Variants in LRBA observed in about 807,000 individuals in gnomAD.
The protein encoded by LRBA is LPS responsive beige-like anchor protein.
In LRBA, 176 loss-of-function variants were observed where a neutral mutation model predicts 330.0. The observed-to-expected ratio is 0.53, with a 90% confidence interval of 0.47 to 0.60. The LOEUF is 0.60. Ranked by LOEUF, LRBA falls within the 20% of genes least tolerant of loss-of-function variation. The probability of loss-of-function intolerance (pLI) is 0.00; values close to 1 mark genes in which losing one functional copy is unlikely to be tolerated. For missense variants in LRBA, 3,259 were observed against 3,444.8 expected (o/e 0.95, Z 1.35); for synonymous variants, 1,230 against 1,193.0 (o/e 1.03, Z -0.64).
At position 150,831,978 on chromosome 4, in the gene LRBA, TG is replaced by T; in HGVS notation, c.4570-3del. 1 of 1,479,616 alleles carries T rather than the reference TG, an allele frequency of 6.8e-7. No individual in the cohort carries two copies. Among genetic ancestry groups the T allele is most frequent in the African/African-American group, 1.5e-5 (1 of 68,524 alleles). 91.7% of individuals were successfully genotyped at this position (1,479,616 alleles called of 1,614,324 possible). A position where few individuals can be genotyped will look rare whatever the true frequency, so the allele number is the denominator to read the frequency against. Reference sequence around the variant, plus strand: ...AAATTGAGCTTGTTTGCTATCCTCCTGGGAAAAAAAATTAAAGGAGTTGATT... The same window carrying T: ...AAATTGAGCTTGTTTGCTATCCTCCTGGAAAAAAAATTAAAGGAGTTGATT... On this transcript the variant is annotated splice_region_variant and splice_polypyrimidine_tract_variant and intron_variant, in intron 28 of 56. Coordinates refer to ENST00000651943, the MANE Select transcript of LRBA (RefSeq NM_001364905.1).
chr4:150,425,240 C>T (rs1028847387), intron 46 of LRBA, among the ~76,000 whole-genome samples: 1 of 152,154 alleles, frequency 6.6e-6, no homozygotes, highest in African/African-American at 2.4e-5. Context: ...TTCATCAGAA[C>T]AGAACAGTCA....
chr4:150,977,889 T>A (rs1397646503), intron 2 of LRBA, among the ~76,000 whole-genome samples: 1 of 152,214 alleles, frequency 6.6e-6, no homozygotes, highest in African/African-American at 2.4e-5. Flanking sequence ...CCAGTCAGAT[T>A]TCTAAGAGTT....
chr4:150,618,769 T>C (rs941818902), intron 37 of LRBA, among the ~76,000 whole-genome samples: 1 of 151,610 alleles, frequency 6.6e-6, no homozygotes, highest in Non-Finnish European at 1.5e-5. Context: ...ACAGAAGTGT[T>C]AAAAATGCTG....
Position 150,915,606 on chromosome 4 carries a change from A to G in LRBA, c.1014+2T>C. 1 of 1,602,684 alleles carries G rather than the reference A, an allele frequency of 6.2e-7. No individual in the cohort carries two copies. The highest frequency in any genetic ancestry group is 8.5e-7 in the Non-Finnish European group (1 of 1,176,740). On this transcript the variant is annotated splice_donor_variant, in intron 8 of 56. Transcript: ENST00000651943. LOFTEE classifies it high-confidence loss of function. ...TCATTGCAACATTTTGAAACTACTT[A>G]CATCGCTAGTGTTGACAAACCATGT...
chr4:150,732,481 A>T (rs1014258198), intron 36 of LRBA, among the ~76,000 whole-genome samples: 1 of 152,114 alleles, frequency 6.6e-6, no homozygotes, highest in Admixed American at 6.5e-5. Flanking sequence ...CATTCTTTTT[A>T]CTGTCTCTCA....
chr4:150,935,523 T>C (rs1735003192), intron 2 of LRBA, among the ~76,000 whole-genome samples: 1 of 152,058 alleles, frequency 6.6e-6, no homozygotes, highest in Non-Finnish European at 1.5e-5. Flanking sequence ...ATTAAATCAG[T>C]TCAAGTTGTT....
intron 46 of LRBA, chr4:150,422,665 C>T: frequency 1.5e-6 from 1 of 663,822 alleles, no homozygotes; most frequent in Non-Finnish European, 2.8e-6. Context: ...TGGCACTGCT[C>T]CGGCTCCTCT....
chr4:150,706,141 A>G (rs1785595063), intron 36 of LRBA, among the ~76,000 whole-genome samples: 1 of 151,986 alleles, frequency 6.6e-6, no homozygotes. Context: ...AGAAATTCAA[A>G]AGGGCAATAA....
chr4:150,840,202 C>G (rs1456662718), intron 28 of LRBA, among the ~76,000 whole-genome samples: 1 of 152,130 alleles, frequency 6.6e-6, no homozygotes, highest in Non-Finnish European at 1.5e-5. Flanking sequence ...AGTATAAAGC[C>G]GTTTTACTTC....
At chr4:150,945,807 T>G (rs1291659052) in intron 2 of LRBA, among the ~76,000 whole-genome samples, 1 of 145,724 alleles carries the variant, frequency 6.9e-6, no homozygotes, top group East Asian at 2.0e-4. Context: ...GCATATTTCT[T>G]TTTTTTTTTT....
chr4:150,984,440 C>A (rs1741202740), intron 2 of LRBA, among the ~76,000 whole-genome samples: 1 of 151,758 alleles, frequency 6.6e-6, no homozygotes, highest in Admixed American at 6.6e-5. Context: ...ACCCGGAAGG[C>A]GGAGGTTGTG....
intron 34 of LRBA, among the ~76,000 whole-genome samples, chr4:150,782,532 GAAA>G (rs1338472251): frequency 6.6e-6 from 1 of 152,174 alleles, no homozygotes; most frequent in African/African-American, 2.4e-5. Context: ...TGTGGCCAAA[GAAA>G]ACAGGGTCTC....
intron 17 of LRBA, among the ~76,000 whole-genome samples, chr4:150,874,098 A>G (rs1753740112): frequency 6.6e-6 from 1 of 152,190 alleles, no homozygotes; most frequent in Non-Finnish European, 1.5e-5. Flanking sequence ...AAATCACAAT[A>G]GTTTTTTGAG....
intron 37 of LRBA, among the ~76,000 whole-genome samples, chr4:150,630,564 A>C (rs1296412802): frequency 6.6e-6 from 1 of 151,190 alleles, no homozygotes; most frequent in East Asian, 1.9e-4. Flanking sequence ...ATGTCTACTT[A>C]AACAGGTTTA....
chr4:150,417,261 G>GAA (rs1462106560), intron 46 of LRBA, among the ~76,000 whole-genome samples: 1 of 151,740 alleles, frequency 6.6e-6, no homozygotes, highest in Non-Finnish European at 1.5e-5. Flanking sequence ...ATAAATAATT[G>GAA]AAAAAGAATT....
At chr4:150,685,420 A>ATATATATATATATT (rs1561514146) in intron 36 of LRBA, among the ~76,000 whole-genome samples, 1 of 17,440 alleles carries the variant, frequency 5.7e-5, no homozygotes, top group Non-Finnish European at 9.2e-5. Context: ...ATATATATAT[A>ATATATATATATATT]TTTTTTTTTT....
At chr4:150,802,349 G>GA (rs1355522613) in intron 33 of LRBA, among the ~76,000 whole-genome samples, 10 of 150,422 alleles carry the variant, frequency 6.6e-5, no homozygotes, top group African/African-American at 2.4e-4. Context: ...AGCATTCGTG[G>GA]GTTTTTTTTT....
intron 47 of LRBA, among the ~76,000 whole-genome samples, chr4:150,380,640 T>C (rs895192193): frequency 2.6e-5 from 4 of 152,130 alleles, no homozygotes; most frequent in Admixed American, 6.5e-5. Context: ...AAAGAAGATG[T>C]CTACTTATTA....
At chr4:150,701,073 A>C (rs576288778) in intron 36 of LRBA, among the ~76,000 whole-genome samples, 190 of 152,068 alleles carry the variant, frequency 1.2e-3, no homozygotes, top group African/African-American at 4.5e-3. Flanking sequence ...TTCAAATTTC[A>C]TTTTTTCAAT....
Sources: gnomAD v4.1 joint callset for allele counts (sites outside exome capture counted in the v4.1 genomes callset) on GRCh38, gnomAD v4.1.1 for gene constraint, MANE v1.5 for transcripts, NCBI Gene and HGNC (gene_info 2026-07-23, HGNC 2026-07-21) for gene names.